Variants in AZU1 observed in about 807,000 individuals in gnomAD.
The protein encoded by AZU1 is azurocidin 1, also known as azurocidin.
In AZU1, 21 loss-of-function variants were observed where a neutral mutation model predicts 17.8. The ratio of observed to expected loss-of-function variants is 1.18; its 90% CI spans 0.84 to 1.70. The LOEUF is 1.70. Ranked by LOEUF, AZU1 falls within the 40% of genes most tolerant of loss-of-function variation. AZU1 has a pLI of 0.00. For synonymous variants in AZU1, 178 were observed against 155.2 expected (o/e 1.15, Z -1.09); for missense variants, 379 against 362.9 (o/e 1.04, Z -0.36).
chr19:830,747 C>G lies in AZU1; in HGVS notation c.400C>G (p.Leu134Val). 3.1e-6 allele frequency: 5 copies of G among 1,596,652 alleles called. No homozygotes were observed. Among genetic ancestry groups the G allele is most frequent in the Non-Finnish European group, 3.4e-6 (4 of 1,175,762 alleles). ...EANLTSSVTI[L>V]PLPLQNATVE... ...CAACCTCACCAGCAGCGTGACGATACTGCCACTGCCTCTGCAGAACGCCAC... is the reference window on the plus strand; with the variant it reads ...CAACCTCACCAGCAGCGTGACGATAGTGCCACTGCCTCTGCAGAACGCCAC... Residue 134 changes from leucine to valine, a missense_variant, in exon 4 of 5, where the codon CTG becomes GTG. Coordinates refer to ENST00000233997, the MANE Select transcript of AZU1 (RefSeq NM_001700.5).
In AZU1 at chr19:829,634, G is replaced by A. The variant is rs201771664; in HGVS notation, c.288G>A (p.Thr96=). 1.2e-5 allele frequency: 19 copies of A among 1,613,438 alleles called. No individual in the cohort carries two copies. Among genetic ancestry groups the A allele is most frequent in the Admixed American group, 6.7e-5 (4 of 59,996 alleles). The stretch of plus-strand genomic sequence containing the variant: ...GGCGGGAGAGGCAGTCCCGCCAGAC[G>A]TTTTCCATCAGCAGCATGAGCGAGA... ...LRRRERQSRQ[T]FSISSMSENG... Residue 96 remains threonine, a synonymous_variant, in exon 3 of 5, where the codon ACG becomes ACA. Transcript: ENST00000233997.
At chr19:829,826 C>T in intron 3 of AZU1, 120 bp downstream of exon 3, 3 of 1,346,334 alleles carry the variant, frequency 2.2e-6, no homozygotes, top group Non-Finnish European at 2.0e-6. Context: ...TGGTGGCGCG[C>T]ACCTGTGGCC....
At position 831,505 on chromosome 19, in the gene AZU1, C is replaced by A. The variant is rs547806971; in HGVS notation, c.595-211C>A. 60 of 568,176 alleles carry A rather than the reference C, an allele frequency of 1.1e-4. 3 individuals carry two copies. In the South Asian group the frequency reaches 1.7e-3, roughly 16 times the overall value. 35.2% of individuals were successfully genotyped at this position (568,176 alleles called of 1,614,324 possible). A position where few individuals can be genotyped will look rare whatever the true frequency, so the allele number is the denominator to read the frequency against. On this transcript the variant is annotated intron_variant, in intron 4 of 4. Transcript: ENST00000233997. Reference sequence around the variant, plus strand: ...TGATTGCCAGGGGAGGGGCACCTGGCCCAGCCTGGAGGTGCCAGGAAGCTC... The same window carrying A: ...TGATTGCCAGGGGAGGGGCACCTGGACCAGCCTGGAGGTGCCAGGAAGCTC...
Position 827,922 on chromosome 19 carries a change from C to T in AZU1, c.58+18C>T, listed in dbSNP as rs982097798. The T allele has an allele frequency of 2.0e-6, 3 of 1,536,658 alleles. No individual in the cohort carries two copies. Among genetic ancestry groups the T allele is most frequent in the Non-Finnish European group, 2.6e-6 (3 of 1,146,982 alleles). On this transcript the variant is annotated intron_variant, in intron 1 of 4. Coordinates refer to ENST00000233997, the MANE Select transcript of AZU1 (RefSeq NM_001700.5). ...GAGGGCCGGTGAGTGCCTCTCTGTG[C>T]CGGTGGTCCCCCATCTGTGCTAGGG... is the stretch of plus-strand genomic sequence containing the variant.
Position 827,899 on chromosome 19 carries a change from G to C in AZU1, c.53G>C (p.Arg18Thr). The change falls in exon 1 of 5, where the codon AGG becomes ACG. Residue 18 changes from arginine to threonine, a missense_variant. Arg to Thr is a moderately conservative substitution (Grantham distance 71, BLOSUM62 -1). Transcript: ENST00000233997. ...CTGGCTGGTCTGCTGGCGTCCTCGA[G>C]GGCCGGTGAGTGCCTCTCTGTGCCG... ...ALLAGLLASS[R>T]AGSSPLLDIV... 1.3e-6 allele frequency: 2 copies of C among 1,537,186 alleles called. No homozygotes were observed. Among genetic ancestry groups the C allele is most frequent in the Non-Finnish European group, 1.7e-6 (2 of 1,147,310 alleles).
At chr19:828,415 G>T (rs755146107) in intron 2 of AZU1, 29 bp downstream of exon 2, 2 of 1,521,320 alleles carry the variant, frequency 1.3e-6, no homozygotes, top group South Asian at 2.6e-5. Context: ...GGGGCCTAGG[G>T]GGCATTGGGG....
chr19:828,144 G>A, intron 1 of AZU1, 86 bp from the exon 2 acceptor site: 4 of 1,467,904 alleles, frequency 2.7e-6, no homozygotes, highest in Non-Finnish European at 3.7e-6. Flanking sequence ...CCACTGGGTG[G>A]ATAGAGCTGA....
At chr19:829,100 G>T (rs1327132180) in intron 2 of AZU1, among the ~76,000 whole-genome samples, 1 of 105,810 alleles carries the variant, frequency 9.5e-6, no homozygotes. Context: ...GAGGCGCAGA[G>T]AAGGGAAGGG....
intron 4 of AZU1, 100 bp downstream of exon 4, chr19:831,041 C>T: frequency 8.3e-7 from 1 of 1,205,452 alleles, no homozygotes; most frequent in Non-Finnish European, 1.2e-6. Flanking sequence ...AGCAGGGGGG[C>T]CCCAGGATTG....
At position 830,803 on chromosome 19, in the gene AZU1, C is replaced by T. The variant is rs767015057; in HGVS notation, c.456C>T (p.Ala152=). The T allele has an allele frequency of 1.1e-4, 172 of 1,606,586 alleles. No homozygotes were observed. Among genetic ancestry groups the T allele is most frequent in the East Asian group, 1.6e-4 (7 of 44,894 alleles). Residue 152 remains alanine (A), a synonymous_variant, in exon 4 of 5, where the codon GCC becomes GCT. Transcript: ENST00000233997. ...TVEAGTRCQV[A]GWGSQRSGGR... ...AAGCCGGCACCAGATGCCAGGTGGCCGGCTGGGGGAGCCAGCGCAGTGGGG... is the reference window on the plus strand; with the variant it reads ...AAGCCGGCACCAGATGCCAGGTGGCTGGCTGGGGGAGCCAGCGCAGTGGGG...
rs201652896 is a variant in AZU1 at position 830,888 on chromosome 19, C to T, written c.541C>T (p.Arg181Cys). 29 of 1,605,952 alleles carry T rather than the reference C, an allele frequency of 1.8e-5. No individual in the cohort carries two copies. The African/African-American group carries it at 2.0e-4, about 11-fold the overall frequency. The change falls in exon 4 of 5, where the codon CGC becomes TGC. Residue 181 changes from arginine (R) to cysteine (C), a missense_variant. By Grantham distance (180) the Arg-to-Cys change is radical. Transcript: ENST00000233997. Reference sequence around the variant, plus strand: ...GACTGTGACCCCCGAGGACCAGTGTCGCCCCAACAACGTGTGCACCGGTGT... The same window carrying T: ...GACTGTGACCCCCGAGGACCAGTGTTGCCCCAACAACGTGTGCACCGGTGT... The part of the protein sequence containing the change: ...NVTVTPEDQC[R>C]PNNVCTGVLT...
rs556414543 is a variant in AZU1 at position 831,878 on chromosome 19, G to C, written c.*1G>C. 3 of 1,610,642 alleles carry C rather than the reference G, an allele frequency of 1.9e-6. No homozygotes were observed. Among genetic ancestry groups the C allele is most frequent in the African/African-American group, 2.7e-5 (2 of 74,994 alleles). On this transcript the variant is annotated 3_prime_UTR_variant, in exon 5 of 5. Coordinates refer to ENST00000233997, the MANE Select transcript of AZU1 (RefSeq NM_001700.5). ...CAACCCGGGACCGGGGCCAGCCTAGGGGGGCCTGTGACCTCCCATGGAGCC... is the reference window on the plus strand; with the variant it reads ...CAACCCGGGACCGGGGCCAGCCTAGCGGGGCCTGTGACCTCCCATGGAGCC...
chr19:829,639 C>T lies in AZU1; in HGVS notation c.293C>T (p.Ser98Phe), dbSNP rs563340651. The change falls in exon 3 of 5, where the codon TCC becomes TTC. Residue 98 changes from serine (S) to phenylalanine (F), a missense_variant. By Grantham distance (155) the Ser-to-Phe change is radical. Transcript: ENST00000233997. ...GAGAGGCAGTCCCGCCAGACGTTTT[C>T]CATCAGCAGCATGAGCGAGAATGGC... is the stretch of plus-strand genomic sequence containing the variant. ...RRERQSRQTF[S>F]ISSMSENGYD... 1.2e-6 allele frequency: 2 copies of T among 1,613,402 alleles called. No individual in the cohort carries two copies. Among genetic ancestry groups the T allele is most frequent in the African/African-American group, 2.7e-5 (2 of 74,984 alleles).
intron 2 of AZU1, among the ~76,000 whole-genome samples, chr19:829,126 G>A (rs1484871683): frequency 1.8e-5 from 2 of 109,086 alleles, no homozygotes; most frequent in East Asian, 3.1e-4. Context: ...GATGGAGGAG[G>A]TGCAGAGAAG....
rs372031493 is a variant in AZU1 at position 830,753 on chromosome 19, C to T, written c.406C>T (p.Leu136=). The T allele has an allele frequency of 8.7e-6, 14 of 1,600,772 alleles. No individual in the cohort carries two copies. Among genetic ancestry groups the T allele is most frequent in the Non-Finnish European group, 1.1e-5 (13 of 1,178,194 alleles). Residue 136 remains leucine (L), a synonymous_variant, in exon 4 of 5, where the codon CTG becomes TTG. Transcript: ENST00000233997. ...NLTSSVTILP[L]PLQNATVEAG... is the part of the protein sequence containing the mutation. ...CACCAGCAGCGTGACGATACTGCCACTGCCTCTGCAGAACGCCACGGTGGA... is the reference window on the plus strand; with the variant it reads ...CACCAGCAGCGTGACGATACTGCCATTGCCTCTGCAGAACGCCACGGTGGA...
In AZU1 at chr19:827,901, G is replaced by T; in HGVS notation, c.55G>T (p.Ala19Ser). ...GGCTGGTCTGCTGGCGTCCTCGAGGGCCGGTGAGTGCCTCTCTGTGCCGGT... is the reference window on the plus strand; with the variant it reads ...GGCTGGTCTGCTGGCGTCCTCGAGGTCCGGTGAGTGCCTCTCTGTGCCGGT... ...LLAGLLASSR[A>S]GSSPLLDIVG... The change falls in exon 1 of 5, where the codon GCC becomes TCC. Residue 19 changes from alanine to serine, a missense_variant. Ala to Ser is a moderately conservative substitution (Grantham distance 99, BLOSUM62 1). Transcript: ENST00000233997. The T allele has an allele frequency of 6.5e-7, 1 of 1,537,118 alleles. No individual in the cohort carries two copies. The highest frequency in any genetic ancestry group is 8.7e-7 in the Non-Finnish European group (1 of 1,147,258).
chr19:831,584 G>C (rs1165428628), intron 4 of AZU1, 132 bp from the exon 5 acceptor site: 5 of 1,032,694 alleles, frequency 4.8e-6, no homozygotes, highest in Non-Finnish European at 6.8e-6. Context: ...CAGAGAAAGA[G>C]AAGAGCCATG....
At chr19:830,982 A>C (rs977541952) in intron 4 of AZU1, 41 bp downstream of exon 4, 1 of 1,571,078 alleles carries the variant, frequency 6.4e-7, no homozygotes, top group African/African-American at 1.4e-5. Flanking sequence ...CCTGAGAGGT[A>C]CTGAGCTCTC....
chr19:830,557 G>A, intron 3 of AZU1, 151 bp from the exon 4 acceptor site: 4 of 683,716 alleles, frequency 5.9e-6, no homozygotes, highest in Admixed American at 6.4e-5. Context: ...TGGGAATACA[G>A]GCGTGAGCCA....
Sources: gnomAD v4.1 joint callset for allele counts (sites outside exome capture counted in the v4.1 genomes callset) on GRCh38, gnomAD v4.1.1 for gene constraint, MANE v1.5 for transcripts, NCBI Gene and HGNC (gene_info 2026-07-23, HGNC 2026-07-21) for gene names.